Variants in ABCA1 observed in about 807,000 individuals in gnomAD.
The protein encoded by ABCA1 is ATP binding cassette subfamily A member 1.
Under a neutral mutation model 262.5 loss-of-function variants are expected in ABCA1, and 133 were observed. The observed-to-expected ratio is 0.51, with a 90% CI of 0.44 to 0.59. The LOEUF is 0.59. ABCA1 is among the 20% of genes least tolerant of loss of function. The pLI is 0.00. For missense variants in ABCA1, 2,452 were observed against 2,777.5 expected (o/e 0.88, Z 2.63); for synonymous variants, 1,022 against 1,043.5 (o/e 0.98, Z 0.40).
intron 14 of ABCA1, 69 bp downstream of exon 14, chr9:104,830,856 C>G: frequency 6.4e-7 from 1 of 1,552,216 alleles, no homozygotes; most frequent in East Asian, 2.2e-5. Context: ...TGCACATGCA[C>G]ACACATATAT....
rs1832011035 is a variant in ABCA1, at chr9:104,818,819, G to A, written c.3306C>T (p.Ala1102=). 1.9e-6 allele frequency: 3 copies of A among 1,614,072 alleles called. 1 individual carries two copies. In the South Asian group the frequency reaches 3.3e-5, roughly 18 times the overall value. The change falls in exon 23 of 50, where the codon GCC becomes GCT. Residue 1102 remains alanine, a synonymous_variant. Transcript: ENST00000374736. ...DEADVLGDRI[A]IISHGKLCCV... The stretch of plus-strand genomic sequence containing the variant: ...AGCACAGCTTCCCATGGGAGATGAT[G>A]GCAATCCTGTCCCCCAGGACGTCCG...
At chr9:104,820,635 C>A (rs566725472) in intron 20 of ABCA1, among the ~76,000 whole-genome samples, 1 of 152,190 alleles carries the variant, frequency 6.6e-6, no homozygotes, top group Non-Finnish European at 1.5e-5. Flanking sequence ...CCCTGGGGGC[C>A]TTATGGCTGA....
At chr9:104,853,885 C>T (rs1169523385) in intron 7 of ABCA1, among the ~76,000 whole-genome samples, 5 of 152,182 alleles carry the variant, frequency 3.3e-5, no homozygotes, top group Admixed American at 3.3e-4. Context: ...TGAATATCCC[C>T]TGCAAAGATG....
Position 104,817,442 on chromosome 9 carries a change from G to A in ABCA1, c.3463-38C>T, listed in dbSNP as rs199762222. Reference sequence around the variant, plus strand: ...AAGGAGGTGAGAACGGGTCAGGGACGGAGCAAGGCAGAGCCACCAGCACCT... The same window carrying A: ...AAGGAGGTGAGAACGGGTCAGGGACAGAGCAAGGCAGAGCCACCAGCACCT... On this transcript the variant is annotated intron_variant, in intron 23 of 49. Coordinates refer to ENST00000374736, the MANE Select transcript of ABCA1 (RefSeq NM_005502.4). This position sits in a 1 kb window ranked among gnomAD's most constrained non-coding sequence, Gnocchi z 4.7. The A allele has an allele frequency of 1.8e-5, 29 of 1,610,678 alleles. No homozygotes were observed. The highest frequency in any genetic ancestry group is 1.6e-4 in the East Asian group (7 of 44,862).
chr9:104,814,476 C>G lies in ABCA1; in HGVS notation c.3739-1G>C. 6.2e-7 allele frequency: 1 copy of G among 1,614,128 alleles called. No individual in the cohort carries two copies. Among genetic ancestry groups the G allele is most frequent in the East Asian group, 2.2e-5 (1 of 44,886 alleles). On this transcript the variant is annotated splice_acceptor_variant, in intron 25 of 49. Transcript: ENST00000374736. LOFTEE classifies it high-confidence loss of function. ...TCTCTTCGGCCACCTTGAGGAATAT[C>G]TGGAAAATGAGAGAGATGAGAACAT...
intron 7 of ABCA1, among the ~76,000 whole-genome samples, chr9:104,856,829 C>A (rs559628217): frequency 2.0e-5 from 3 of 152,272 alleles, no homozygotes; most frequent in African/African-American, 7.2e-5. Flanking sequence ...CCAAAACAGT[C>A]CAAGAAAATG....
At chr9:104,839,564 T>G (rs1193168959) in intron 9 of ABCA1, among the ~76,000 whole-genome samples, 2 of 152,226 alleles carry the variant, frequency 1.3e-5, no homozygotes, top group Middle Eastern at 3.2e-3. Flanking sequence ...GTTATTTCTT[T>G]TTATGTTATT....
At chr9:104,867,041 GA>G (rs1837158984) in intron 5 of ABCA1, among the ~76,000 whole-genome samples, 1 of 152,228 alleles carries the variant, frequency 6.6e-6, no homozygotes, top group Non-Finnish European at 1.5e-5. Flanking sequence ...GACCTGATGT[GA>G]TTTGGGGAAT....
chr9:104,818,046 C>T (rs1188854071), intron 23 of ABCA1, among the ~76,000 whole-genome samples: 1 of 152,072 alleles, frequency 6.6e-6, no homozygotes, highest in Non-Finnish European at 1.5e-5. Flanking sequence ...CTGTTATTTA[C>T]CTGCTGGGTG....
Position 104,845,461 on chromosome 9 carries a change from G to A in ABCA1, c.813+16C>T. ...GTGGATGATCCGCTTCCTGGTACTG[G>A]AAAGACACAACTTACCTCCTGGGCC... On this transcript the variant is annotated intron_variant, in intron 8 of 49. Transcript: ENST00000374736. 6.3e-7 allele frequency: 1 copy of A among 1,597,750 alleles called. No homozygotes were observed.
At chr9:104,848,538 C>T (rs1835098383) in intron 7 of ABCA1, among the ~76,000 whole-genome samples, 1 of 151,762 alleles carries the variant, frequency 6.6e-6, no homozygotes, top group East Asian at 1.9e-4. Flanking sequence ...TTGCTTGAAC[C>T]TGGGAGGCAG....
At chr9:104,812,388 T>C (rs1322333336) in intron 28 of ABCA1, among the ~76,000 whole-genome samples, 186 bp downstream of exon 28, 1 of 152,194 alleles carries the variant, frequency 6.6e-6, no homozygotes, top group Non-Finnish European at 1.5e-5. Context: ...ATGAGGAGAT[T>C]GAGGCATAGA....
chr9:104,838,305 CAAA>C (rs35594183), intron 9 of ABCA1, among the ~76,000 whole-genome samples: 7 of 105,418 alleles, frequency 6.6e-5, no homozygotes, highest in Admixed American at 2.1e-4. Flanking sequence ...CTCTGTCTCC[CAAA>C]AAAAAAAAAA....
Position 104,830,968 on chromosome 9 carries a change from C to A in ABCA1, c.1849G>T (p.Val617Phe), listed in dbSNP as rs1200469268. 5.6e-6 allele frequency: 9 copies of A among 1,613,840 alleles called. No homozygotes were observed. Among genetic ancestry groups the A allele is most frequent in the Non-Finnish European group, 7.6e-6 (9 of 1,179,968 alleles). ...GGATAGGGCATCTGTTGCATATAGA[C>A]ACCAGTTTTCTTCTCGGTGCCCGTC... ...VLTGTEKKTG[V>F]YMQQMPYPCY... is the part of the protein sequence containing the mutation. Residue 617 changes from valine to phenylalanine, a missense_variant, in exon 14 of 50, where the codon GTC (valine) becomes TTC (phenylalanine). Physicochemically the swap from Val to Phe is conservative, Grantham distance 50. Coordinates refer to ENST00000374736, the MANE Select transcript of ABCA1 (RefSeq NM_005502.4).
chr9:104,807,199 T>C (rs1000040827), intron 30 of ABCA1, among the ~76,000 whole-genome samples: 1 of 151,952 alleles, frequency 6.6e-6, no homozygotes, highest in Admixed American at 6.6e-5. Context: ...GAAAAATGAG[T>C]AGAGACTGGC....
At chr9:104,859,087 T>C (rs939423114) in intron 6 of ABCA1, among the ~76,000 whole-genome samples, 2 of 152,252 alleles carry the variant, frequency 1.3e-5, no homozygotes, top group African/African-American at 4.8e-5. Context: ...GCAATTTATG[T>C]TGTCTTTAAG....
intron 7 of ABCA1, among the ~76,000 whole-genome samples, chr9:104,856,950 T>G (rs1835888706): frequency 1.3e-5 from 2 of 152,124 alleles, no homozygotes; most frequent in Non-Finnish European, 2.9e-5. Context: ...CTTCTCTAAC[T>G]TTTTAGGCCA....
intron 5 of ABCA1, among the ~76,000 whole-genome samples, chr9:104,872,646 C>T (rs1473839151): frequency 6.6e-6 from 1 of 152,194 alleles, no homozygotes; most frequent in Non-Finnish European, 1.5e-5. Context: ...TCCGGTGCAA[C>T]TTAGTCTGTT....
chr9:104,851,531 T>C (rs1039362387), intron 7 of ABCA1, among the ~76,000 whole-genome samples: 1 of 152,222 alleles, frequency 6.6e-6, no homozygotes, highest in Middle Eastern at 3.2e-3. Context: ...GTCCTCTACC[T>C]GGAACATTCT....
Sources: gnomAD v4.1 joint callset for allele counts (sites outside exome capture counted in the v4.1 genomes callset) on GRCh38, gnomAD v4.1.1 for gene constraint, Gnocchi (gnomAD v3.1) non-coding constraint, MANE v1.5 for transcripts, NCBI Gene and HGNC (gene_info 2026-07-23, HGNC 2026-07-21) for gene names.